Variants in EMC7 observed in about 807,000 individuals in gnomAD.
The protein encoded by EMC7 is ER membrane protein complex subunit 7, also known as endoplasmic reticulum membrane protein complex subunit 7.
In EMC7, 4 loss-of-function variants were observed where a neutral mutation model predicts 24.4. The observed-to-expected ratio is 0.16, with a 90% CI of 0.08 to 0.38. The LOEUF is 0.38. Among genes scored for constraint, EMC7 ranks in the 10% least tolerant of loss-of-function variants. The pLI is 1.00. For synonymous variants in EMC7, 106 were observed against 112.0 expected, an observed-to-expected ratio of 0.95 and a Z score of 0.34; for missense variants, 221 against 300.6, an observed-to-expected ratio of 0.74 and a Z score of 1.96.
At chr15:34,086,300 T>A (rs1240233067) in intron 4 of EMC7, 1 of 254,706 alleles carries the variant, frequency 3.9e-6, no homozygotes, top group Admixed American at 4.0e-5. Context: ...TCACAAAGGA[T>A]CTGAGGGCAG....
At position 34,084,125 on chromosome 15, in the gene EMC7, AAT is replaced by A. The variant is rs1471580615; in HGVS notation, c.*207_*208del. On this transcript the variant is annotated 3_prime_UTR_variant, in exon 5 of 5. Coordinates refer to ENST00000256545, the MANE Select transcript of EMC7 (RefSeq NM_020154.3). ...ACACTGTAATTAATTCAGTGACATC[AAT>A]ATTGACCTCATACAGACAAAAGATG... is the stretch of plus-strand genomic sequence containing the variant. 714 of 492,090 alleles carry A rather than the reference AAT, an allele frequency of 1.5e-3. 6 individuals carry two copies. Among genetic ancestry groups the A allele is most frequent in the African/African-American group, 0.013 (647 of 51,750 alleles). The allele number at this position is 492,090 out of a possible 1,614,324, so 30.5% of individuals were successfully genotyped here.
intron 1 of EMC7, among the ~76,000 whole-genome samples, chr15:34,096,242 C>A (rs1174196197): frequency 3.3e-5 from 5 of 152,246 alleles, no homozygotes; most frequent in Non-Finnish European, 7.3e-5. Flanking sequence ...ACGATCTCAG[C>A]TCGCTGCAAC....
At chr15:34,099,694 C>T (rs1597406984) in intron 1 of EMC7, among the ~76,000 whole-genome samples, 2 of 152,184 alleles carry the variant, frequency 1.3e-5, no homozygotes, top group East Asian at 1.9e-4. Flanking sequence ...CAGCCTCAAC[C>T]GCCTCGGCTC....
chr15:34,086,531 C>T lies in EMC7; in HGVS notation c.576+1522G>A, dbSNP rs753229427. Among the ~76,000 whole-genome samples the T allele has an allele frequency of 5.9e-5, 9 of 152,094 alleles. No individual in the cohort carries two copies. The East Asian group carries it at 1.4e-3, about 23-fold the overall frequency. On this transcript the variant is annotated intron_variant, in intron 4 of 4. Transcript: ENST00000256545. ...GCAACCTCTGCCTCCCAGTTTCAAG[C>T]GATTCTCCTGTCTCAGCCTCCCAAG...
rs530468677 is a variant in EMC7 at position 34,084,514 on chromosome 15, G to T, written c.577-28C>A. 3.1e-6 allele frequency: 5 copies of T among 1,597,084 alleles called. No individual in the cohort carries two copies. In the African/African-American group the frequency reaches 5.4e-5, roughly 17 times the overall value. On this transcript the variant is annotated intron_variant, in intron 4 of 4. Transcript: ENST00000256545. ...GCAAGAAGACAAGGCACAATGATATGTAGGATCCTTCGAGTCTTTTAACTC... is the reference window on the plus strand; with the variant it reads ...GCAAGAAGACAAGGCACAATGATATTTAGGATCCTTCGAGTCTTTTAACTC...
At position 34,087,925 on chromosome 15, in the gene EMC7, G is replaced by A. The variant is rs1900913798; in HGVS notation, c.576+128C>T. 1.5e-5 allele frequency: 11 copies of A among 743,332 alleles called. No homozygotes were observed. In the South Asian group the frequency reaches 1.9e-4, roughly 13 times the overall value. The allele number at this position is 743,332 out of a possible 1,614,324, so 46.0% of individuals were successfully genotyped here. On this transcript the variant is annotated intron_variant, in intron 4 of 4. Coordinates refer to ENST00000256545, the MANE Select transcript of EMC7 (RefSeq NM_020154.3). ...AATCCCAGTGCTTTGGGAGGCTGAGGCAGGTGGATAGCTTGAGCCCAGGAG... is the reference window on the plus strand; with the variant it reads ...AATCCCAGTGCTTTGGGAGGCTGAGACAGGTGGATAGCTTGAGCCCAGGAG...
chr15:34,100,683 T>C (rs1334475213), intron 1 of EMC7: 2 of 152,202 alleles, frequency 1.3e-5, no homozygotes, highest in East Asian at 1.9e-4. Flanking sequence ...CAGATTTGGA[T>C]TTAAATGTCT....
intron 1 of EMC7, among the ~76,000 whole-genome samples, chr15:34,096,886 C>T (rs1901077408): frequency 6.6e-6 from 1 of 151,204 alleles, no homozygotes; most frequent in Non-Finnish European, 1.5e-5. Context: ...ACTCGGGAGA[C>T]TGAGATAGGA....
intron 1 of EMC7, chr15:34,100,608 A>G (rs1209422867): frequency 6.6e-6 from 1 of 152,216 alleles, no homozygotes; most frequent in Non-Finnish European, 1.5e-5. Context: ...ATTTGTCACT[A>G]TTTATTAATC....
At chr15:34,094,271 G>T (rs1567503137) in intron 2 of EMC7, among the ~76,000 whole-genome samples, 1 of 151,638 alleles carries the variant, frequency 6.6e-6, no homozygotes, top group South Asian at 2.1e-4. Context: ...GCCAGGTGCC[G>T]TGGCTCACAC....
intron 1 of EMC7, among the ~76,000 whole-genome samples, chr15:34,101,335 A>C (rs2140873433): frequency 6.6e-6 from 1 of 152,254 alleles, no homozygotes; most frequent in South Asian, 2.1e-4. Context: ...TCGTCCCCAC[A>C]TGGGGCCAAA....
At chr15:34,086,721 G>A (rs902281973) in intron 4 of EMC7, among the ~76,000 whole-genome samples, 4 of 152,220 alleles carry the variant, frequency 2.6e-5, no homozygotes, top group Non-Finnish European at 4.4e-5. Flanking sequence ...GCGCCACCGC[G>A]CCCGGCCAGA....
chr15:34,091,997 G>A (rs968679684), intron 2 of EMC7, among the ~76,000 whole-genome samples: 1 of 152,160 alleles, frequency 6.6e-6, no homozygotes, highest in Non-Finnish European at 1.5e-5. Flanking sequence ...TGGGCACAGT[G>A]GCTAATGCCT....
intron 2 of EMC7, among the ~76,000 whole-genome samples, chr15:34,093,353 C>T (rs1901007957): frequency 6.6e-6 from 1 of 151,796 alleles, no homozygotes; most frequent in African/African-American, 2.4e-5. Flanking sequence ...AGGGGAATCG[C>T]TTGAACCCGG....
chr15:34,092,233 C>G (rs536248504), intron 2 of EMC7, among the ~76,000 whole-genome samples: 2 of 125,340 alleles, frequency 1.6e-5, no homozygotes, highest in African/African-American at 5.8e-5. Context: ...CCACTGCAAT[C>G]CAGCCTGGGT....
chr15:34,084,554 T>C lies in EMC7; in HGVS notation c.577-68A>G. 1.3e-6 allele frequency: 2 copies of C among 1,535,984 alleles called. 1 individual carries two copies. The highest frequency in any genetic ancestry group is 2.4e-5 in the South Asian group (2 of 81,788). On this transcript the variant is annotated intron_variant, in intron 4 of 4. Coordinates refer to ENST00000256545, the MANE Select transcript of EMC7 (RefSeq NM_020154.3). ...TCTTTTAACTCCTAACACTTCCTATTAAGGAAAAAGTAAAGGAGTAGAACA... is the reference window on the plus strand; with the variant it reads ...TCTTTTAACTCCTAACACTTCCTATCAAGGAAAAAGTAAAGGAGTAGAACA...
intron 1 of EMC7, among the ~76,000 whole-genome samples, chr15:34,100,312 G>A (rs1344079512): frequency 2.6e-5 from 4 of 152,202 alleles, no homozygotes; most frequent in Non-Finnish European, 5.9e-5. Flanking sequence ...CTGCACTCCA[G>A]GCTGAGTAAC....
intron 4 of EMC7, chr15:34,086,145 T>C (rs967669149): frequency 1.5e-5 from 6 of 401,722 alleles, no homozygotes; most frequent in Non-Finnish European, 2.9e-5. Flanking sequence ...ATAACCAATG[T>C]TGGGGATCAA....
intron 1 of EMC7, among the ~76,000 whole-genome samples, chr15:34,098,210 G>A (rs1357014738): frequency 1.3e-5 from 2 of 152,086 alleles, no homozygotes; most frequent in Non-Finnish European, 2.9e-5. Flanking sequence ...GGACTGGTTT[G>A]TGTCTTTCAA....
Sources: gnomAD v4.1 joint callset for allele counts (sites outside exome capture counted in the v4.1 genomes callset) on GRCh38, gnomAD v4.1.1 for gene constraint, MANE v1.5 for transcripts, NCBI Gene and HGNC (gene_info 2026-07-23, HGNC 2026-07-21) for gene names.